The following PPFIA2 variants were observed in gnomAD, a reference collection of about 807,000 sequenced individuals.
PPFIA2 encodes PPFI scaffold protein A2.
Under a neutral mutation model 175.5 loss-of-function variants are expected in PPFIA2, and 46 were observed. The ratio of observed to expected loss-of-function variants is 0.26; its 90% CI spans 0.21 to 0.34. PPFIA2 has a LOEUF of 0.34. PPFIA2 is among the 10% of genes least tolerant of loss of function. PPFIA2 has a pLI of 1.00. For synonymous variants in PPFIA2, 568 were observed against 511.4 expected (o/e 1.11, Z -1.49); for missense variants, 1,179 against 1,506.1 (o/e 0.78, Z 3.60).
At chr12:81,335,744 AAACAAC>A (rs142716386) in intron 21 of PPFIA2, among the ~76,000 whole-genome samples, 2,335 of 149,496 alleles carry the variant, frequency 0.016, 57 homozygotes, top group African/African-American at 0.054. Flanking sequence ...TTCTGTCTAA[AAACAAC>A]AACAACAACA....
At chr12:81,462,570 GTATATATATATATACATATATATA>G (rs1555402455) in intron 4 of PPFIA2, among the ~76,000 whole-genome samples, 2 of 74,188 alleles carry the variant, frequency 2.7e-5, no homozygotes, top group South Asian at 5.2e-4. Context: ...ATATATATGT[GTATATATATATATACATATATATA>G]TATATATATA....
intron 7 of PPFIA2, among the ~76,000 whole-genome samples, chr12:81,414,324 A>T (rs1242118554): frequency 6.6e-6 from 1 of 151,694 alleles, no homozygotes. Context: ...AATTTAGAAG[A>T]TGTCTTCAAA....
intron 25 of PPFIA2, 133 bp downstream of exon 25, chr12:81,284,108 A>C (rs1287218358): frequency 2.9e-6 from 2 of 686,512 alleles, no homozygotes; most frequent in East Asian, 5.5e-5. Flanking sequence ...ACTGTAAAAA[A>C]TGTTAGTTAT....
At chr12:81,586,183 C>A (rs1335278557) in intron 4 of PPFIA2, among the ~76,000 whole-genome samples, 1 of 151,882 alleles carries the variant, frequency 6.6e-6, no homozygotes, top group Non-Finnish European at 1.5e-5. Flanking sequence ...ACAATGTTTT[C>A]TATGAATCAT....
rs542332367 is a variant in PPFIA2 at position 81,567,667 on chromosome 12, T to A, written c.303+109124A>T. Among the ~76,000 whole-genome samples, 18 of 152,304 alleles carry A rather than the reference T, an allele frequency of 1.2e-4. No homozygotes were observed. In the South Asian group the frequency reaches 3.7e-3, roughly 32 times the overall value. On this transcript the variant is annotated intron_variant, in intron 4 of 32. Coordinates refer to ENST00000549396, the MANE Select transcript of PPFIA2 (RefSeq NM_003625.5). ...CTGAAGTGAACTTCCTGGTTGATGA[T>A]ATGCACTGATGTGCTGGGAGTGTGA...
intron 3 of PPFIA2, among the ~76,000 whole-genome samples, chr12:81,694,119 T>C (rs931709908): frequency 6.6e-6 from 1 of 152,104 alleles, no homozygotes; most frequent in Non-Finnish European, 1.5e-5. Context: ...GGCCATGTGA[T>C]AGAGAAAGAA....
chr12:81,588,026 T>C (rs1215260122), intron 4 of PPFIA2, among the ~76,000 whole-genome samples: 1 of 151,902 alleles, frequency 6.6e-6, no homozygotes, highest in Non-Finnish European at 1.5e-5. Flanking sequence ...AATTATATGC[T>C]CTCTAGGAAT....
rs374535949 is a variant in PPFIA2, at chr12:81,472,806, T to C, written c.304-14940A>G. 6 of 152,252 alleles carry C rather than the reference T, an allele frequency of 3.9e-5. No individual in the cohort carries two copies. The East Asian group carries it at 1.2e-3, about 29-fold the overall frequency. 9.4% of individuals were successfully genotyped at this position (152,252 alleles called of 1,614,324 possible). On this transcript the variant is annotated intron_variant, in intron 4 of 32. Transcript: ENST00000549396. ...AACAAATAATGCTTCACATTAAAAA[T>C]ATGCCATTTTCTCTCCTGTTCCTAG...
rs573424104 is a variant in PPFIA2, at chr12:81,412,497, G to C, written c.646-6594C>G. Among the ~76,000 whole-genome samples, 4 of 151,982 alleles carry C rather than the reference G, an allele frequency of 2.6e-5. No individual in the cohort carries two copies. In the South Asian group the frequency reaches 8.3e-4, roughly 31 times the overall value. Reference sequence around the variant, plus strand: ...CATTATCTTTTCTTTCCAGGTTTGAGATTTCTTGGTAAAAGACCCTGAGAC... The same window carrying C: ...CATTATCTTTTCTTTCCAGGTTTGACATTTCTTGGTAAAAGACCCTGAGAC... On this transcript the variant is annotated intron_variant, in intron 7 of 32. Coordinates refer to ENST00000549396, the MANE Select transcript of PPFIA2 (RefSeq NM_003625.5).
At chr12:81,627,664 T>C (rs559556236) in intron 4 of PPFIA2, among the ~76,000 whole-genome samples, 15 of 152,296 alleles carry the variant, frequency 9.8e-5, no homozygotes, top group African/African-American at 3.1e-4. Flanking sequence ...TGGAACTCTT[T>C]TATACATTCT....
At chr12:81,366,845 T>A (rs1443070720) in intron 14 of PPFIA2, among the ~76,000 whole-genome samples, 1 of 151,762 alleles carries the variant, frequency 6.6e-6, no homozygotes, top group Non-Finnish European at 1.5e-5. Flanking sequence ...ATAGTGATTA[T>A]CCTTTAATGG....
chr12:81,457,037 A>G (rs921698548), intron 5 of PPFIA2, among the ~76,000 whole-genome samples: 1 of 149,414 alleles, frequency 6.7e-6, no homozygotes, highest in African/African-American at 2.5e-5. Context: ...ACAGAGTCTC[A>G]CTCTGTTGCC....
intron 4 of PPFIA2, among the ~76,000 whole-genome samples, chr12:81,630,756 T>C (rs2063279329): frequency 6.6e-6 from 1 of 151,950 alleles, no homozygotes; most frequent in African/African-American, 2.4e-5. Flanking sequence ...TCAACCTAGA[T>C]CTATTTCAAA....
At chr12:81,541,561 G>A (rs947813861) in intron 4 of PPFIA2, among the ~76,000 whole-genome samples, 7 of 152,034 alleles carry the variant, frequency 4.6e-5, no homozygotes, top group Middle Eastern at 6.8e-3. Flanking sequence ...TGGAAAATGC[G>A]TTCTCTTCTT....
At chr12:81,523,575 C>T (rs1307752229) in intron 4 of PPFIA2, among the ~76,000 whole-genome samples, 1 of 152,002 alleles carries the variant, frequency 6.6e-6, no homozygotes, top group Non-Finnish European at 1.5e-5. Flanking sequence ...CATCTACATG[C>T]CTCTGGGAAA....
chr12:81,615,533 C>T (rs2061356773), intron 4 of PPFIA2, among the ~76,000 whole-genome samples: 1 of 152,098 alleles, frequency 6.6e-6, no homozygotes, highest in Non-Finnish European at 1.5e-5. Flanking sequence ...GGAGCAATTG[C>T]TAACATTGGA....
At position 81,750,395 on chromosome 12, in the gene PPFIA2, A is replaced by G. The variant is rs147792656; in HGVS notation, c.249+3578T>C. ...TTAAGAGGTACAAAAAGTGTGGCCCACTGAGGACTGAATTTAGAGAAGGAA... is the reference window on the plus strand; with the variant it reads ...TTAAGAGGTACAAAAAGTGTGGCCCGCTGAGGACTGAATTTAGAGAAGGAA... On this transcript the variant is annotated intron_variant, in intron 3 of 32. Coordinates refer to ENST00000549396, the MANE Select transcript of PPFIA2 (RefSeq NM_003625.5). 1.9e-4 allele frequency among the ~76,000 whole-genome samples: 28 copies of G among 143,678 alleles called. 8 individuals carry two copies. The East Asian group carries it at 5.2e-3, about 26-fold the overall frequency. 94.3% of individuals were successfully genotyped at this position (143,678 alleles called of 152,430 possible).
At chr12:81,340,960 T>G (rs1415817521) in intron 20 of PPFIA2, 118 bp downstream of exon 20, 1 of 1,102,644 alleles carries the variant, frequency 9.1e-7, no homozygotes, top group Non-Finnish European at 1.2e-6. Flanking sequence ...AAAGGGAAGC[T>G]GGAGAATTCT....
intron 5 of PPFIA2, among the ~76,000 whole-genome samples, chr12:81,446,953 G>A (rs886737292): frequency 2.6e-5 from 4 of 152,014 alleles, no homozygotes; most frequent in African/African-American, 2.4e-5. Context: ...AAGAACACCA[G>A]TATCTGAGAC....
Sources: allele counts gnomAD v4.1 joint callset (sites outside exome capture counted in the v4.1 genomes callset), GRCh38; gene constraint gnomAD v4.1.1; transcripts MANE v1.5; gene names NCBI Gene and HGNC (gene_info 2026-07-23, HGNC 2026-07-21).